ARK2C: variants seen among roughly 807,000 people sequenced by gnomAD.
ARK2C encodes the protein arkadia (RNF111) C-terminal like ring finger ubiquitin ligase 2C.
chr18:46,389,436 C>CA, the ARK2C span, among the ~76,000 whole-genome samples: 1 of 152,206 alleles, frequency 6.6e-6, no homozygotes, highest in African/African-American at 2.4e-5. Context: ...TCATCTGGTT[C>CA]AATCCCTTCA....
the ARK2C span, among the ~76,000 whole-genome samples, chr18:46,343,653 T>G: frequency 1.3e-5 from 2 of 152,238 alleles, no homozygotes; most frequent in Non-Finnish European, 2.9e-5. Context: ...GGGAGAGAAT[T>G]GACTGGATTG....
At chr18:46,450,608 T>C in the ARK2C span, 1 of 982,636 alleles carries the variant, frequency 1.0e-6, no homozygotes, top group Non-Finnish European at 1.6e-6. Context: ...ATGTGAATGC[T>C]TCCTGCTCAT....
chr18:46,410,490 G>A, the ARK2C span, among the ~76,000 whole-genome samples: 1 of 152,206 alleles, frequency 6.6e-6, no homozygotes, highest in Non-Finnish European at 1.5e-5. Flanking sequence ...TCACCATCCA[G>A]GGTTGCACTG....
chr18:46,416,153 T>C, the ARK2C span, among the ~76,000 whole-genome samples: 1 of 152,158 alleles, frequency 6.6e-6, no homozygotes, highest in Non-Finnish European at 1.5e-5. Flanking sequence ...GAGGTCAAAA[T>C]CAAGGCTAAA....
the ARK2C span, chr18:46,456,172 TTTGC>T: frequency 1.2e-6 from 1 of 812,558 alleles, no homozygotes; most frequent in Admixed American, 2.1e-5. Flanking sequence ...GGGGTGCTTG[TTTGC>T]TTGTGCACGT....
the ARK2C span, among the ~76,000 whole-genome samples, chr18:46,342,359 C>A: frequency 6.6e-6 from 1 of 152,198 alleles, no homozygotes; most frequent in East Asian, 1.9e-4. Flanking sequence ...CTGGTGGGAC[C>A]GATTCTGAAT....
At chr18:46,351,301 G>C in the ARK2C span, among the ~76,000 whole-genome samples, 1 of 152,192 alleles carries the variant, frequency 6.6e-6, no homozygotes, top group Non-Finnish European at 1.5e-5. Flanking sequence ...TCTGAAGTTT[G>C]AGGGCTGGGG....
the ARK2C span, among the ~76,000 whole-genome samples, chr18:46,446,670 CAA>C: frequency 1.0e-3 from 35 of 34,382 alleles, no homozygotes; most frequent in African/African-American, 1.9e-3. Flanking sequence ...GACTCCATCT[CAA>C]AAAAAAAAAA....
chr18:46,358,172 A>T, the ARK2C span, among the ~76,000 whole-genome samples: 1 of 152,184 alleles, frequency 6.6e-6, no homozygotes, highest in East Asian at 1.9e-4. Flanking sequence ...CACAGCTAGG[A>T]TGAGTCATGC....
chr18:46,339,844 C>A, the ARK2C span, among the ~76,000 whole-genome samples: 1 of 152,352 alleles, frequency 6.6e-6, no homozygotes, highest in African/African-American at 2.4e-5. Flanking sequence ...AGGGCCTGGG[C>A]CACTCATCTT....
At chr18:46,455,813 C>A in the ARK2C span, among the ~76,000 whole-genome samples, 2 of 152,112 alleles carry the variant, frequency 1.3e-5, no homozygotes, top group African/African-American at 4.8e-5. Context: ...CCAGCCTGGG[C>A]AACACAGCAA....
At chr18:46,362,899 G>A in the ARK2C span, among the ~76,000 whole-genome samples, 2 of 152,186 alleles carry the variant, frequency 1.3e-5, no homozygotes, top group Admixed American at 1.3e-4. Flanking sequence ...TTCTAAAGGG[G>A]AAGAAAAATC....
chr18:46,399,738 T>A, the ARK2C span, among the ~76,000 whole-genome samples: 4 of 152,168 alleles, frequency 2.6e-5, no homozygotes, highest in African/African-American at 9.7e-5. Context: ...AGGAGGACAG[T>A]GTCCGGCCCG....
the ARK2C span, among the ~76,000 whole-genome samples, chr18:46,445,941 G>T: frequency 6.6e-6 from 1 of 151,410 alleles, no homozygotes; most frequent in African/African-American, 2.4e-5. Context: ...GAAGAATCCA[G>T]GCTGTTTTTC....
the ARK2C span, among the ~76,000 whole-genome samples, chr18:46,381,148 G>A: frequency 2.6e-5 from 4 of 152,382 alleles, no homozygotes; most frequent in South Asian, 8.3e-4. Flanking sequence ...CGGCAACGCT[G>A]TTCTGAAGCG....
the ARK2C span, among the ~76,000 whole-genome samples, chr18:46,446,972 C>A: frequency 1.3e-5 from 2 of 152,294 alleles, no homozygotes; most frequent in African/African-American, 4.8e-5. Flanking sequence ...TTATCTTGCT[C>A]ATTTTCTCTC....
the ARK2C span, chr18:46,336,380 C>G: frequency 1.1e-5 from 11 of 972,368 alleles, no homozygotes; most frequent in South Asian, 1.4e-4. Flanking sequence ...CTCACCCCCC[C>G]CAACAAAAAA....
chr18:46,351,042 G>A, the ARK2C span, among the ~76,000 whole-genome samples: 2 of 152,164 alleles, frequency 1.3e-5, no homozygotes, highest in Admixed American at 6.5e-5. Flanking sequence ...CTGCCCTAGC[G>A]GGCAGACCCC....
At chr18:46,346,823 A>AG in the ARK2C span, among the ~76,000 whole-genome samples, 1 of 152,284 alleles carries the variant, frequency 6.6e-6, no homozygotes, top group Non-Finnish European at 1.5e-5. Context: ...TAGGGGTCTT[A>AG]GGGGAGTGCA....
Sources: gnomAD v4.1 joint callset for allele counts (sites outside exome capture counted in the v4.1 genomes callset) on GRCh38, gnomAD v4.1.1 for gene constraint, MANE v1.5 for transcripts, NCBI Gene and HGNC (gene_info 2026-07-23, HGNC 2026-07-21) for gene names.